The following MEMO1 variants were observed in gnomAD, a reference collection of about 807,000 sequenced individuals.
The protein encoded by MEMO1 is mediator of cell motility 1, also known as protein MEMO1.
Under a neutral mutation model 45.2 loss-of-function variants are expected in MEMO1, and 6 were observed. That is an observed-to-expected ratio of 0.13 (90% CI 0.07 to 0.26). The LOEUF is 0.26. Ranked by LOEUF, MEMO1 falls within the 10% of genes least tolerant of loss-of-function variation. The pLI, the probability that MEMO1 is intolerant of heterozygous loss-of-function variation, is 1.00. For missense variants in MEMO1, 184 were observed against 370.5 expected (o/e 0.50, Z 4.13); for synonymous variants, 78 against 124.3 (o/e 0.63, Z 2.48).
At chr2:31,943,047 T>C (rs1665793899) in intron 3 of MEMO1, among the ~76,000 whole-genome samples, 3 of 152,068 alleles carry the variant, frequency 2.0e-5, no homozygotes, top group Admixed American at 2.0e-4. Flanking sequence ...GGTGGATCAT[T>C]TGAGGTCGGC....
At chr2:31,962,876 T>C (rs1318990577) in intron 2 of MEMO1, among the ~76,000 whole-genome samples, 1 of 152,310 alleles carries the variant, frequency 6.6e-6, no homozygotes. Context: ...CTAGATAAGA[T>C]TAACATTTCA....
rs1401616418 is a variant in MEMO1, at chr2:31,872,642, G to C, written c.658-2690C>G. Among the ~76,000 whole-genome samples the C allele has an allele frequency of 5.3e-5, 8 of 152,200 alleles. No homozygotes were observed. The East Asian group carries it at 1.2e-3, about 22-fold the overall frequency. On this transcript the variant is annotated intron_variant, in intron 8 of 9. Transcript: ENST00000404530. The stretch of plus-strand genomic sequence containing the variant: ...TACTACTAAGTAAAGAGTTAAAAAT[G>C]AAGATATACTGGTTAAATTACAAGA...
chr2:31,885,886 A>G (rs1016148119), intron 7 of MEMO1, among the ~76,000 whole-genome samples: 1 of 152,234 alleles, frequency 6.6e-6, no homozygotes, highest in East Asian at 1.9e-4. Context: ...TGCTGTTCCA[A>G]ATGGCTGAAG....
At chr2:31,962,167 T>C (rs919862533) in intron 2 of MEMO1, among the ~76,000 whole-genome samples, 2 of 152,124 alleles carry the variant, frequency 1.3e-5, no homozygotes, top group East Asian at 1.9e-4. Flanking sequence ...GGCGAGAGGA[T>C]TGAGTCCAGG....
chr2:31,919,044 C>CT (rs1434405187), intron 5 of MEMO1, among the ~76,000 whole-genome samples: 2 of 151,880 alleles, frequency 1.3e-5, no homozygotes, highest in Non-Finnish European at 2.9e-5. Context: ...TACCTAAAGC[C>CT]TCAAATTATG....
intron 7 of MEMO1, 81 bp from the exon 8 acceptor site, chr2:31,883,543 C>T: frequency 9.9e-7 from 1 of 1,014,084 alleles, no homozygotes; most frequent in Non-Finnish European, 1.5e-6. Context: ...CAAATAATTT[C>T]AGTTCTCATG....
intron 2 of MEMO1, among the ~76,000 whole-genome samples, chr2:31,989,567 T>C (rs1038789287): frequency 5.9e-5 from 9 of 152,180 alleles, no homozygotes; most frequent in African/African-American, 1.9e-4. Context: ...ATAAACCAAC[T>C]AGATTCATAG....
chr2:31,915,299 T>C (rs149252588), intron 6 of MEMO1, among the ~76,000 whole-genome samples: 2 of 152,136 alleles, frequency 1.3e-5, no homozygotes, highest in Admixed American at 1.3e-4. Context: ...TAAAGAGACA[T>C]GAATTGTCCA....
intron 2 of MEMO1, among the ~76,000 whole-genome samples, chr2:31,984,837 G>T (rs1001726588): frequency 1.3e-5 from 2 of 151,990 alleles, no homozygotes; most frequent in Non-Finnish European, 2.9e-5. Flanking sequence ...AGGAAAGAAA[G>T]GACATTAGTG....
intron 8 of MEMO1, among the ~76,000 whole-genome samples, chr2:31,876,845 T>C (rs1239530330): frequency 5.9e-5 from 9 of 152,202 alleles, no homozygotes; most frequent in Admixed American, 5.9e-4. Flanking sequence ...GTCTCCTAAA[T>C]GTACTGAATA....
At chr2:31,982,405 C>A (rs532825906) in intron 2 of MEMO1, among the ~76,000 whole-genome samples, 3 of 150,658 alleles carry the variant, frequency 2.0e-5, no homozygotes, top group Non-Finnish European at 4.4e-5. Flanking sequence ...GCCTGACCAA[C>A]GTGGTGAAAG....
intron 2 of MEMO1, among the ~76,000 whole-genome samples, chr2:31,993,945 CTTTCT>C (rs1672249627): frequency 8.0e-6 from 1 of 124,580 alleles, no homozygotes; most frequent in African/African-American, 3.1e-5. Context: ...ATCATCAATA[CTTTCT>C]TTTTTTTTTT....
chr2:31,987,470 T>C (rs1011926393), intron 2 of MEMO1, among the ~76,000 whole-genome samples: 1 of 152,244 alleles, frequency 6.6e-6, no homozygotes, highest in African/African-American at 2.4e-5. Context: ...ATTTACATTT[T>C]TCAAAATTCT....
intron 6 of MEMO1, among the ~76,000 whole-genome samples, chr2:31,892,337 A>G (rs981457442): frequency 1.3e-5 from 2 of 152,176 alleles, no homozygotes; most frequent in African/African-American, 4.8e-5. Context: ...CATACAGAAT[A>G]CTAAAAATAT....
In MEMO1 at chr2:31,883,405, A is replaced by G; in HGVS notation, c.638T>C (p.Ile213Thr). 1 of 1,585,936 alleles carries G rather than the reference A, an allele frequency of 6.3e-7. No homozygotes were observed. The highest frequency in any genetic ancestry group is 8.6e-7 in the Non-Finnish European group (1 of 1,168,652). Reference protein sequence around the residue: ...DESQGEIYRSIEHLDKMGMSI... With the variant: ...DESQGEIYRSTEHLDKMGMSI... ...ACTTACCATTTTATCTAGATGTTCA[A>G]TGGATCTATAAATCTCCCCCTGGGA... The change falls in exon 8 of 10, where the codon ATT becomes ACT. Residue 213 changes from isoleucine to threonine, a missense_variant. By Grantham distance (89) the Ile-to-Thr change is moderately conservative. Coordinates refer to ENST00000404530, the MANE Select transcript of MEMO1 (RefSeq NM_001301833.4).
intron 6 of MEMO1, among the ~76,000 whole-genome samples, chr2:31,917,172 A>G (rs970994285): frequency 2.0e-5 from 3 of 152,226 alleles, no homozygotes; most frequent in African/African-American, 7.2e-5. Context: ...AGAAGGAATC[A>G]TCTTACCATA....
intron 6 of MEMO1, among the ~76,000 whole-genome samples, chr2:31,895,020 A>T (rs1233122028): frequency 6.6e-6 from 1 of 152,174 alleles, no homozygotes; most frequent in Non-Finnish European, 1.5e-5. Flanking sequence ...CCAAGCTTAA[A>T]ATTAAAAATT....
chr2:31,994,460 T>C (rs533984702), intron 2 of MEMO1, among the ~76,000 whole-genome samples: 5 of 150,026 alleles, frequency 3.3e-5, no homozygotes, highest in African/African-American at 1.2e-4. Context: ...TGAAACCCCA[T>C]CTCTACTAAA....
At chr2:32,007,837 T>C (rs1674296093) in intron 2 of MEMO1, among the ~76,000 whole-genome samples, 1 of 152,258 alleles carries the variant, frequency 6.6e-6, no homozygotes, top group African/African-American at 2.4e-5. Flanking sequence ...AGTTTACTTA[T>C]CTGTAGTTGC....
Sources: allele counts gnomAD v4.1 joint callset (sites outside exome capture counted in the v4.1 genomes callset), GRCh38; gene constraint gnomAD v4.1.1; transcripts MANE v1.5; gene names NCBI Gene and HGNC (gene_info 2026-07-23, HGNC 2026-07-21).